The following LYPD1 variants were observed in gnomAD, a reference collection of about 807,000 sequenced individuals.
The protein encoded by LYPD1 is LY6/PLAUR domain containing 1.
A neutral mutation model predicts 14.2 loss-of-function variants in LYPD1; 14 were observed. The ratio of observed to expected loss-of-function variants is 0.99; its 90% CI spans 0.65 to 1.54. The LOEUF is 1.54. LYPD1 is among the 40% of genes most tolerant of loss of function. The pLI, the probability that LYPD1 is intolerant of heterozygous loss-of-function variation, is 0.00. For synonymous variants in LYPD1, 85 were observed against 70.6 expected (o/e 1.20, Z -1.02); for missense variants, 165 against 175.7 (o/e 0.94, Z 0.34).
intron 2 of LYPD1, among the ~76,000 whole-genome samples, chr2:132,650,729 A>AAAAAAAAC (rs1558876244): frequency 7.4e-6 from 1 of 136,050 alleles, no homozygotes; most frequent in African/African-American, 3.6e-5. Flanking sequence ...AAAAAAAAAC[A>AAAAAAAAC]AAAAACAAAA....
At chr2:132,655,430 C>A (rs886772656) in intron 2 of LYPD1, among the ~76,000 whole-genome samples, 4 of 151,836 alleles carry the variant, frequency 2.6e-5, no homozygotes, top group Admixed American at 2.6e-4. Flanking sequence ...ACTCATTAGA[C>A]CCCAGTAGGT....
Position 132,669,162 on chromosome 2 carries a change from C to T in LYPD1, c.53-625G>A. 6.6e-6 allele frequency among the ~76,000 whole-genome samples: 1 copy of T among 152,046 alleles called. No homozygotes were observed. The highest frequency in any genetic ancestry group is 1.5e-5 in the Non-Finnish European group (1 of 68,008). ...GCCGTCCCCGCGGCGACCCGAATGG[C>T]CACAGAGGGTGGGAAAGGGCGTTTG... is the stretch of plus-strand genomic sequence containing the variant. On this transcript the variant is annotated intron_variant, in intron 1 of 2. Transcript: ENST00000397463. The surrounding 1 kb of genome is among the most constrained non-coding windows in gnomAD (Gnocchi z 4.3).
chr2:132,652,271 C>T (rs575785497), intron 2 of LYPD1, among the ~76,000 whole-genome samples: 14 of 151,674 alleles, frequency 9.2e-5, no homozygotes, highest in Non-Finnish European at 1.8e-4. Context: ...TGGCACATAA[C>T]GACACAAGTA....
At chr2:132,670,296 T>G, upstream of LYPD1, 2 of 274,482 alleles carry the variant, frequency 7.3e-6, no homozygotes, top group Non-Finnish European at 6.7e-6. The surrounding 1 kb of genome is among the most constrained non-coding windows in gnomAD (Gnocchi z 4.5). Context: ...CGAGTTGGGG[T>G]GGGGGTGGCG....
rs975153846 is a variant in LYPD1, at chr2:132,645,309, C to G, written c.*736G>C. 2 of 1,614,058 alleles carry G rather than the reference C, an allele frequency of 1.2e-6. No homozygotes were observed. The highest frequency in any genetic ancestry group is 1.7e-5 in the Admixed American group (1 of 60,004). The stretch of plus-strand genomic sequence containing the variant: ...CCTCGCAGCAGTTTCGGCGGGTGTT[C>G]GTGCAGGTGCTGTGCTGCCGCCTGT... On this transcript the variant is annotated 3_prime_UTR_variant, in exon 3 of 3. Transcript: ENST00000397463.
chr2:132,646,878 G>A (rs368470721), intron 2 of LYPD1, among the ~76,000 whole-genome samples: 4 of 152,108 alleles, frequency 2.6e-5, no homozygotes, highest in East Asian at 3.9e-4. Flanking sequence ...AAGGAGAAAC[G>A]CTCTGTCGTC....
Position 132,645,076 on chromosome 2 carries a change from C to G in LYPD1, c.*969G>C. ...TGCTGTGTTTTTCTTTTCTCTGTCTCTCCCTCCTGCTCGTGTCTGCCCAGG... is the reference window on the plus strand; with the variant it reads ...TGCTGTGTTTTTCTTTTCTCTGTCTGTCCCTCCTGCTCGTGTCTGCCCAGG... On this transcript the variant is annotated 3_prime_UTR_variant, in exon 3 of 3. Transcript: ENST00000397463. The G allele has an allele frequency of 6.3e-7, 1 of 1,590,124 alleles. No individual in the cohort carries two copies. Among genetic ancestry groups the G allele is most frequent in the South Asian group, 1.1e-5 (1 of 87,180 alleles).
At chr2:132,647,424 TTGTG>T (rs1404010426) in intron 2 of LYPD1, among the ~76,000 whole-genome samples, 1 of 152,198 alleles carries the variant, frequency 6.6e-6, no homozygotes, top group African/African-American at 2.4e-5. Context: ...ATAGCTTTTG[TTGTG>T]TATGTATGTG....
chr2:132,656,830 A>G (rs1478434595), intron 2 of LYPD1, among the ~76,000 whole-genome samples: 1 of 152,194 alleles, frequency 6.6e-6, no homozygotes, highest in African/African-American at 2.4e-5. Context: ...CTCATTTTAA[A>G]AAGGGAAAAA....
chr2:132,666,508 G>A (rs1182874183), intron 2 of LYPD1, among the ~76,000 whole-genome samples: 2 of 152,126 alleles, frequency 1.3e-5, no homozygotes, highest in Non-Finnish European at 2.9e-5. Context: ...GTCTCTACCT[G>A]TTGGGCTGTG....
intron 2 of LYPD1, among the ~76,000 whole-genome samples, chr2:132,653,888 G>C (rs1682446241): frequency 6.6e-6 from 1 of 152,202 alleles, no homozygotes; most frequent in African/African-American, 2.4e-5. Context: ...CTGAGGGACA[G>C]TGTACAAAAA....
In LYPD1 at chr2:132,657,337, G is replaced by T. The variant is rs528135037; in HGVS notation, c.191-11057C>A. Among the ~76,000 whole-genome samples, 33 of 152,180 alleles carry T rather than the reference G, an allele frequency of 2.2e-4. No individual in the cohort carries two copies. The South Asian group carries it at 6.9e-3, about 32-fold the overall frequency. The stretch of plus-strand genomic sequence containing the variant: ...CTCCAGTTTGCCATGGGGGATTGAG[G>T]GAACAGATATTTATGACTTATTATC... On this transcript the variant is annotated intron_variant, in intron 2 of 2. Transcript: ENST00000397463.
chr2:132,643,311 G>A lies in LYPD1; in HGVS notation c.*2734C>T, dbSNP rs972914475. Among the ~76,000 whole-genome samples, 9 of 152,166 alleles carry A rather than the reference G, an allele frequency of 5.9e-5. No individual in the cohort carries two copies. Among genetic ancestry groups the A allele is most frequent in the African/African-American group, 2.2e-4 (9 of 41,426 alleles). ...TAAACAAATTGGCTTATATTTCAAA[G>A]TTTTAGGCTGGGAGTTGACAGGAGA... is the stretch of plus-strand genomic sequence containing the variant. On this transcript the variant is annotated 3_prime_UTR_variant, in exon 3 of 3. Coordinates refer to ENST00000397463, the MANE Select transcript of LYPD1 (RefSeq NM_144586.7).
chr2:132,645,948 A>G lies in LYPD1; in HGVS notation c.*97T>C. The G allele has an allele frequency of 1.1e-6, 1 of 918,096 alleles. No homozygotes were observed. The highest frequency in any genetic ancestry group is 1.6e-6 in the Non-Finnish European group (1 of 617,392). The allele number at this position is 918,096 out of a possible 1,614,324, so 56.9% of individuals were successfully genotyped here. ...CACGGACTCCCGCTCCCTACCCAGA[A>G]TAAAAGGACACCCAGAAGAAACTCA... On this transcript the variant is annotated 3_prime_UTR_variant, in exon 3 of 3. Coordinates refer to ENST00000397463, the MANE Select transcript of LYPD1 (RefSeq NM_144586.7).
intron 2 of LYPD1, among the ~76,000 whole-genome samples, chr2:132,654,730 G>A (rs1352677832): frequency 7.0e-6 from 1 of 143,088 alleles, no homozygotes; most frequent in Non-Finnish European, 1.5e-5. Context: ...GTGACTCCTG[G>A]CCTCTTTCCC....
chr2:132,651,452 A>C (rs996176071), intron 2 of LYPD1, among the ~76,000 whole-genome samples: 1 of 152,088 alleles, frequency 6.6e-6, no homozygotes, highest in African/African-American at 2.4e-5. Flanking sequence ...CTGAGGGAGG[A>C]GGAGCTGTGA....
At chr2:132,664,674 A>G (rs1334093985) in intron 2 of LYPD1, among the ~76,000 whole-genome samples, 2 of 152,236 alleles carry the variant, frequency 1.3e-5, no homozygotes, top group Non-Finnish European at 2.9e-5. Context: ...TGACAGAGCT[A>G]TATTTTACTA....
At chr2:132,656,104 C>T (rs1228230083) in intron 2 of LYPD1, among the ~76,000 whole-genome samples, 2 of 152,180 alleles carry the variant, frequency 1.3e-5, no homozygotes, top group African/African-American at 4.8e-5. Flanking sequence ...CCCCAGTGGT[C>T]GTAAAAACAG....
chr2:132,645,822 C>T lies in LYPD1; in HGVS notation c.*223G>A. ...CAGACATGGGGGTGAACTTTCACTCCACCTCCTTCCTTCAAGTACATACTG... is the reference window on the plus strand; with the variant it reads ...CAGACATGGGGGTGAACTTTCACTCTACCTCCTTCCTTCAAGTACATACTG... On this transcript the variant is annotated 3_prime_UTR_variant, in exon 3 of 3. Coordinates refer to ENST00000397463, the MANE Select transcript of LYPD1 (RefSeq NM_144586.7). 2.9e-6 allele frequency: 2 copies of T among 688,608 alleles called. No individual in the cohort carries two copies. The highest frequency in any genetic ancestry group is 2.0e-5 in the South Asian group (1 of 48,892). 42.7% of individuals were successfully genotyped at this position (688,608 alleles called of 1,614,324 possible). A position where few individuals can be genotyped will look rare whatever the true frequency, so the allele number is the denominator to read the frequency against.
Sources: allele counts gnomAD v4.1 joint callset (sites outside exome capture counted in the v4.1 genomes callset), GRCh38; gene constraint gnomAD v4.1.1; non-coding constraint Gnocchi (gnomAD v3.1); transcripts MANE v1.5; gene names NCBI Gene and HGNC (gene_info 2026-07-23, HGNC 2026-07-21).